Variants in PLXNA4 observed in about 807,000 individuals in gnomAD.
PLXNA4 encodes the protein plexin-A4.
PLXNA4 carries 44 observed loss-of-function variants against 191.8 expected under a neutral mutation model. The ratio of observed to expected loss-of-function variants is 0.23; its 90% CI spans 0.18 to 0.29. PLXNA4 has a LOEUF of 0.29. PLXNA4 is among the 10% of genes least tolerant of loss of function. The probability of loss-of-function intolerance (pLI) is 1.00; values close to 1 mark genes in which losing one functional copy is unlikely to be tolerated. For missense variants in PLXNA4, 1,800 were observed against 2,488.8 expected, an observed-to-expected ratio of 0.72 and a Z score of 5.89; for synonymous variants, 1,082 against 1,009.5, an observed-to-expected ratio of 1.07 and a Z score of -1.36.
At chr7:132,224,173 C>A (rs559384480) in intron 8 of PLXNA4, among the ~76,000 whole-genome samples, 30 of 152,278 alleles carry the variant, frequency 2.0e-4, no homozygotes, top group Admixed American at 5.9e-4. Context: ...CTCCTGACTC[C>A]TTAAAAGCCC....
At chr7:132,391,649 A>AG (rs1399146003) in intron 3 of PLXNA4, among the ~76,000 whole-genome samples, 1 of 152,154 alleles carries the variant, frequency 6.6e-6, no homozygotes, top group Non-Finnish European at 1.5e-5. Flanking sequence ...ACAGTGGGTT[A>AG]GGGGGGCAGT....
At chr7:132,535,937 G>A (rs925573633) in intron 1 of PLXNA4, among the ~76,000 whole-genome samples, 9 of 152,308 alleles carry the variant, frequency 5.9e-5, no homozygotes, top group African/African-American at 1.9e-4. Context: ...GGGGTTTACA[G>A]AGAGTAGATC....
Position 132,353,418 on chromosome 7 carries a change from C to T in PLXNA4, c.1372-55196G>A, listed in dbSNP as rs147533397. Among the ~76,000 whole-genome samples the T allele has an allele frequency of 2.4e-3, 369 of 151,316 alleles. 1 individual carries two copies. The highest frequency in any genetic ancestry group is 8.8e-3 in the African/African-American group (361 of 40,928). On this transcript the variant is annotated intron_variant, in intron 3 of 31. Coordinates refer to ENST00000321063, the MANE Select transcript of PLXNA4 (RefSeq NM_020911.2). ...TATAATCTTACCATTATTACTTAAT[C>T]ACAGGTTTGTGTACTCGGTTCTATG...
intron 1 of PLXNA4, among the ~76,000 whole-genome samples, chr7:132,564,694 A>C (rs1032905753): frequency 2.6e-5 from 4 of 152,218 alleles, no homozygotes; most frequent in Non-Finnish European, 5.9e-5. Flanking sequence ...CAATTGATTA[A>C]ATATTTCATA....
At chr7:132,360,147 G>T (rs933363993) in intron 3 of PLXNA4, among the ~76,000 whole-genome samples, 1 of 152,108 alleles carries the variant, frequency 6.6e-6, no homozygotes. Context: ...CAGCTCCCGG[G>T]ACCATTGCTA....
At chr7:132,643,427 C>A (rs1241617317) in intron 2 of PLXNA4, among the ~76,000 whole-genome samples, 2 of 151,908 alleles carry the variant, frequency 1.3e-5, no homozygotes, top group Admixed American at 6.6e-5. Flanking sequence ...CAGCCCCCAC[C>A]CCACACGAAG....
chr7:132,431,301 C>A (rs1035571777), intron 3 of PLXNA4, among the ~76,000 whole-genome samples: 1 of 152,088 alleles, frequency 6.6e-6, no homozygotes, highest in Non-Finnish European at 1.5e-5. Flanking sequence ...TGACCACAGT[C>A]CACAATCACT....
chr7:132,515,501 C>A (rs915638011), intron 1 of PLXNA4, among the ~76,000 whole-genome samples: 4 of 152,178 alleles, frequency 2.6e-5, no homozygotes, highest in African/African-American at 9.7e-5. Flanking sequence ...CCCACCACAA[C>A]CTCTCTAATA....
chr7:132,600,355 CTTTAT>C lies in PLXNA4; in HGVS notation c.-87+45568_-87+45572del, dbSNP rs150509536. Among the ~76,000 whole-genome samples the C allele has an allele frequency of 8.3e-3, 1,267 of 152,080 alleles. 21 individuals are homozygous for C. Among genetic ancestry groups the C allele is most frequent in the African/African-American group, 0.029 (1,220 of 41,460 alleles). ...TTAATATTTTTGGTCTAATTATGAT[CTTTAT>C]TTTATTTTATCATTTTATTTTGGGA... On this transcript the variant is annotated intron_variant, in intron 2 of 4. Coordinates refer to the PLXNA4 transcript ENST00000378539.
chr7:132,587,058 G>A (rs541400686), intron 2 of PLXNA4, among the ~76,000 whole-genome samples: 17 of 152,298 alleles, frequency 1.1e-4, no homozygotes, highest in East Asian at 7.7e-4. Flanking sequence ...AAGCAGTCCC[G>A]CTCAACTTTG....
intron 1 of PLXNA4, among the ~76,000 whole-genome samples, chr7:132,554,517 C>T (rs894374412): frequency 3.3e-5 from 5 of 152,162 alleles, no homozygotes; most frequent in East Asian, 1.9e-4. Flanking sequence ...TCTCTCAGCC[C>T]GAGTGTTGCT....
Position 132,226,342 on chromosome 7 carries a change from A to G in PLXNA4, c.1883-82T>C, listed in dbSNP as rs189303434. 234 of 1,226,836 alleles carry G rather than the reference A, an allele frequency of 1.9e-4. No individual in the cohort carries two copies. In the African/African-American group the frequency reaches 3.0e-3, roughly 16 times the overall value. 76.0% of individuals were successfully genotyped at this position (1,226,836 alleles called of 1,614,324 possible). A position where few individuals can be genotyped will look rare whatever the true frequency, so the allele number is the denominator to read the frequency against. On this transcript the variant is annotated intron_variant, in intron 7 of 31. Transcript: ENST00000321063. The stretch of plus-strand genomic sequence containing the variant: ...CCCTGACCAGTGACACCTGCTGGAA[A>G]AGGGAGCCTGCTCCCCAGGCGGCTG...
At chr7:132,203,219 G>A (rs574465207) in intron 11 of PLXNA4, 104 bp downstream of exon 11, 1 of 1,015,540 alleles carries the variant, frequency 9.8e-7, no homozygotes, top group Admixed American at 1.9e-5. Context: ...ACAGCCACTA[G>A]GAGGCGGGGG....
intron 12 of PLXNA4, among the ~76,000 whole-genome samples, chr7:132,202,172 A>G (rs1169227717): frequency 6.6e-6 from 1 of 152,036 alleles, no homozygotes; most frequent in Non-Finnish European, 1.5e-5. Flanking sequence ...ACTGTGCTCC[A>G]TCTTACAGCT....
chr7:132,274,914 C>T (rs1349396926), intron 4 of PLXNA4, among the ~76,000 whole-genome samples: 5 of 151,876 alleles, frequency 3.3e-5, no homozygotes, highest in Admixed American at 6.6e-5. Context: ...AGCCTCAGTG[C>T]ATCATATCAA....
At chr7:132,393,211 C>A (rs1426572478) in intron 3 of PLXNA4, among the ~76,000 whole-genome samples, 1 of 136,852 alleles carries the variant, frequency 7.3e-6, no homozygotes, top group East Asian at 2.1e-4. Context: ...CCACCACCAC[C>A]ACTGACCCCA....
At position 132,125,557 on chromosome 7, in the gene PLXNA4, C is replaced by A. The variant is rs6968754; in HGVS notation, c.*4922G>T. 85,529 of 152,032 alleles carry A rather than the reference C, an allele frequency of 0.56. 28,513 individuals carry two copies. The highest frequency in any genetic ancestry group is 0.83 in the East Asian group (4,279 of 5,168). 9.4% of individuals were successfully genotyped at this position (152,032 alleles called of 1,614,324 possible). A position where few individuals can be genotyped will look rare whatever the true frequency, so the allele number is the denominator to read the frequency against. ...CTTACTTTCGAACTATTAAGATATA[C>A]AAACAAAAACCAAACAACTCCAAAA... On this transcript the variant is annotated 3_prime_UTR_variant, in exon 32 of 32. Coordinates refer to ENST00000321063, the MANE Select transcript of PLXNA4 (RefSeq NM_020911.2).
At chr7:132,527,089 G>A (rs1175606036) in intron 1 of PLXNA4, among the ~76,000 whole-genome samples, 2 of 152,202 alleles carry the variant, frequency 1.3e-5, no homozygotes, top group Non-Finnish European at 2.9e-5. Flanking sequence ...GCTCTTAGAA[G>A]TTAATGGACA....
chr7:132,493,747 G>GTGGATGGATGGA (rs369999925), intron 2 of PLXNA4, among the ~76,000 whole-genome samples: 2 of 146,398 alleles, frequency 1.4e-5, no homozygotes, highest in African/African-American at 2.5e-5. Flanking sequence ...GGGTGGATGG[G>GTGGATGGATGGA]TGGATGGATG....
Sources: allele counts gnomAD v4.1 joint callset (sites outside exome capture counted in the v4.1 genomes callset), GRCh38; gene constraint gnomAD v4.1.1; transcripts MANE v1.5; gene names NCBI Gene and HGNC (gene_info 2026-07-23, HGNC 2026-07-21).